Variants in TANGO6 observed in about 807,000 individuals in gnomAD.
The protein encoded by TANGO6 is transport and golgi organization 6 homolog.
Under a neutral mutation model 114.2 loss-of-function variants are expected in TANGO6, and 90 were observed. The observed-to-expected ratio is 0.79, with a 90% CI of 0.66 to 0.94. The LOEUF is 0.94. TANGO6 is among the 40% of genes least tolerant of loss of function. TANGO6 has a pLI of 0.00. For missense variants in TANGO6, 1,274 were observed against 1,315.3 expected (o/e 0.97, Z 0.49); for synonymous variants, 477 against 509.8 (o/e 0.94, Z 0.87).
intron 1 of TANGO6, among the ~76,000 whole-genome samples, chr16:68,854,668 T>C (rs1018422709): frequency 1.3e-5 from 2 of 151,816 alleles, no homozygotes; most frequent in Non-Finnish European, 2.9e-5. Context: ...TCCAACCTCA[T>C]TTGGTAAAGG....
At chr16:68,885,508 T>C (rs1333325390) in intron 7 of TANGO6, 1 of 152,236 alleles carries the variant, frequency 6.6e-6, no homozygotes, top group East Asian at 1.9e-4. Context: ...TCTCTATAGA[T>C]TTGCCTATTC....
chr16:69,071,292 C>T (rs1332146347), intron 17 of TANGO6, among the ~76,000 whole-genome samples: 2 of 152,160 alleles, frequency 1.3e-5, no homozygotes, highest in East Asian at 3.9e-4. Context: ...CTGGTTTTAA[C>T]GCCTCTGACA....
intron 12 of TANGO6, 131 bp from the exon 13 acceptor site, chr16:68,927,437 A>G: frequency 1.1e-6 from 1 of 900,728 alleles, no homozygotes. Context: ...GGACCCAGGC[A>G]ATACACTGAT....
Position 68,880,632 on chromosome 16 carries a change from TTG to T in TANGO6, c.1377+3_1377+4del, listed in dbSNP as rs755438420. On this transcript the variant is annotated splice_donor_region_variant and intron_variant, in intron 7 of 17. Transcript: ENST00000261778. Reference sequence around the variant, plus strand: ...AGATGCATTGAGGATGTGTTTAAGGTTGGTAATCTGAGTCACTAATGTTTTTA... The same window carrying T: ...AGATGCATTGAGGATGTGTTTAAGGTGTAATCTGAGTCACTAATGTTTTTA... 6.3e-7 allele frequency: 1 copy of T among 1,579,928 alleles called. No homozygotes were observed. Among genetic ancestry groups the T allele is most frequent in the African/African-American group, 1.4e-5 (1 of 73,418 alleles).
chr16:69,048,231 C>T (rs956783196), intron 17 of TANGO6, among the ~76,000 whole-genome samples: 1 of 150,754 alleles, frequency 6.6e-6, no homozygotes, highest in Non-Finnish European at 1.5e-5. Context: ...TACAGGTGCA[C>T]GCCACCAAGT....
intron 9 of TANGO6, among the ~76,000 whole-genome samples, chr16:68,903,567 G>A (rs916870699): frequency 6.7e-6 from 1 of 148,530 alleles, no homozygotes; most frequent in Non-Finnish European, 1.5e-5. Flanking sequence ...ACAGTGAGCT[G>A]GGATCGTACC....
chr16:68,934,218 A>T (rs1490514184), intron 14 of TANGO6, among the ~76,000 whole-genome samples: 1 of 151,830 alleles, frequency 6.6e-6, no homozygotes, highest in East Asian at 1.9e-4. Context: ...CTAATTTTTT[A>T]AAAAACATTT....
chr16:69,016,653 A>G (rs1042789394), intron 15 of TANGO6, among the ~76,000 whole-genome samples: 5 of 151,924 alleles, frequency 3.3e-5, no homozygotes, highest in Non-Finnish European at 5.9e-5. Flanking sequence ...TATTTATTTT[A>G]TGTATTTTAT....
rs1002101318 is a variant in TANGO6, at chr16:68,958,643, A to G, written c.2702-15385A>G. On this transcript the variant is annotated intron_variant, in intron 14 of 17. Coordinates refer to ENST00000261778, the MANE Select transcript of TANGO6 (RefSeq NM_024562.2). ...TAAGAGGCTTTCCCTCTATTTACAGATGTCCAGGATGAGCACAATGGCTTA... is the reference window on the plus strand; with the variant it reads ...TAAGAGGCTTTCCCTCTATTTACAGGTGTCCAGGATGAGCACAATGGCTTA... Among the ~76,000 whole-genome samples the G allele has an allele frequency of 1.8e-4, 27 of 152,120 alleles. 1 individual carries two copies. Among genetic ancestry groups the G allele is most frequent in the Non-Finnish European group, 1.5e-5 (1 of 68,022 alleles).
chr16:68,943,648 A>AT (rs1294832708), intron 14 of TANGO6, among the ~76,000 whole-genome samples: 5 of 152,052 alleles, frequency 3.3e-5, no homozygotes, highest in Non-Finnish European at 7.4e-5. Flanking sequence ...TACAGGCGTG[A>AT]GCCACCGCAC....
intron 14 of TANGO6, among the ~76,000 whole-genome samples, chr16:68,972,016 G>C (rs1300149990): frequency 6.6e-6 from 1 of 152,032 alleles, no homozygotes; most frequent in African/African-American, 2.4e-5. Flanking sequence ...TTATATAATA[G>C]AGTGAACTAC....
intron 14 of TANGO6, among the ~76,000 whole-genome samples, chr16:68,942,612 G>T (rs542702277): frequency 6.6e-6 from 1 of 152,248 alleles, no homozygotes; most frequent in African/African-American, 2.4e-5. Flanking sequence ...ATACATCAAG[G>T]AAAGTGAGGA....
At chr16:68,875,504 C>T (rs373341653) in intron 5 of TANGO6, among the ~76,000 whole-genome samples, 9 of 152,256 alleles carry the variant, frequency 5.9e-5, no homozygotes, top group African/African-American at 1.7e-4. Context: ...CAGTGGCTCA[C>T]GCTTGTAATC....
At chr16:68,936,195 T>G (rs1174620397) in intron 14 of TANGO6, among the ~76,000 whole-genome samples, 2 of 152,040 alleles carry the variant, frequency 1.3e-5, no homozygotes, top group African/African-American at 4.8e-5. Flanking sequence ...AAAAGAAAAT[T>G]TAAAAAAAGG....
At chr16:69,024,224 A>G (rs1006105282) in intron 16 of TANGO6, among the ~76,000 whole-genome samples, 1 of 149,926 alleles carries the variant, frequency 6.7e-6, no homozygotes, top group African/African-American at 2.5e-5. Context: ...AATTAATGAA[A>G]TGTGCGTCTT....
At chr16:69,036,034 C>G (rs966489717) in intron 16 of TANGO6, 1 of 145,116 alleles carries the variant, frequency 6.9e-6, no homozygotes, top group Non-Finnish European at 1.5e-5. Context: ...CAGAGCAAGA[C>G]TCTGCCTCAA....
intron 15 of TANGO6, among the ~76,000 whole-genome samples, chr16:69,010,489 C>A (rs1964133977): frequency 6.6e-6 from 1 of 152,188 alleles, no homozygotes; most frequent in South Asian, 2.1e-4. Context: ...CCCTTCGTTG[C>A]AGTTACCTGG....
rs113358284 is a variant in TANGO6 at position 68,963,355 on chromosome 16, G to C, written c.2702-10673G>C. Among the ~76,000 whole-genome samples, 10 of 152,226 alleles carry C rather than the reference G, an allele frequency of 6.6e-5. 1 individual carries two copies. Among genetic ancestry groups the C allele is most frequent in the African/African-American group, 2.4e-4 (10 of 41,550 alleles). On this transcript the variant is annotated intron_variant, in intron 14 of 17. Coordinates refer to ENST00000261778, the MANE Select transcript of TANGO6 (RefSeq NM_024562.2). ...GGTCTTGAACTCCTGACCCTAAAGT[G>C]ATCCGCCCACCTCGGCCTCCCAAAG...
chr16:68,930,551 G>A (rs577649477), intron 14 of TANGO6, among the ~76,000 whole-genome samples: 72 of 151,444 alleles, frequency 4.8e-4, no homozygotes, highest in Non-Finnish European at 7.1e-4. Flanking sequence ...AGATTAAATC[G>A]TATTTCCTCT....
Sources: gnomAD v4.1 joint callset for allele counts (sites outside exome capture counted in the v4.1 genomes callset) on GRCh38, gnomAD v4.1.1 for gene constraint, MANE v1.5 for transcripts, NCBI Gene and HGNC (gene_info 2026-07-23, HGNC 2026-07-21) for gene names.